Variants in PALS1 observed in about 807,000 individuals in gnomAD.
PALS1 encodes protein associated with LIN7 1, MAGUK p55 family member, also known as protein PALS1.
Under a neutral mutation model 78.9 loss-of-function variants are expected in PALS1, and 31 were observed. The observed-to-expected ratio is 0.39, with a 90% CI of 0.30 to 0.53. The LOEUF is 0.53. Ranked by LOEUF, PALS1 falls within the 20% of genes least tolerant of loss-of-function variation. PALS1 has a pLI of 0.67. For missense variants in PALS1, 704 were observed against 826.5 expected (o/e 0.85, Z 1.82); for synonymous variants, 276 against 270.9 (o/e 1.02, Z -0.18).
intron 1 of PALS1, among the ~76,000 whole-genome samples, chr14:67,266,067 A>G (rs1310701740): frequency 6.6e-6 from 1 of 152,098 alleles, no homozygotes; most frequent in African/African-American, 2.4e-5. Flanking sequence ...TCTGCTTCCC[A>G]AAGTGTTGGG....
intron 3 of PALS1, among the ~76,000 whole-genome samples, chr14:67,287,970 T>G (rs1242761805): frequency 6.6e-6 from 1 of 152,186 alleles, no homozygotes; most frequent in South Asian, 2.1e-4. Context: ...AGAGACCCAG[T>G]AGGGATACAA....
chr14:67,323,610 A>C, intron 13 of PALS1, 92 bp from the exon 14 acceptor site: 1 of 301,210 alleles, frequency 3.3e-6, no homozygotes, highest in Non-Finnish European at 5.8e-6. Flanking sequence ...CAAGTCCCTT[A>C]ATCTAATATA....
intron 4 of PALS1, among the ~76,000 whole-genome samples, chr14:67,293,704 G>A (rs752908241): frequency 3.2e-4 from 49 of 152,130 alleles, no homozygotes; most frequent in Non-Finnish European, 2.6e-4. Flanking sequence ...AGGAAAAGAC[G>A]AGTACCAATA....
Position 67,317,413 on chromosome 14 carries a change from C to T in PALS1, c.1303C>T (p.Leu435=). The change falls in exon 11 of 15, where the codon CTG becomes TTG. Residue 435 remains leucine, a synonymous_variant. Transcript: ENST00000261681. ...EDKEPEKSGK[L]WCAKKNKKKR... is the part of the protein sequence containing the mutation. The stretch of plus-strand genomic sequence containing the variant: ...TGTTTATGATTGCTCAACAGGAAAA[C>T]TGTGGTGTGCAAAGAAGAATAAAAA... 1 of 1,610,322 alleles carries T rather than the reference C, an allele frequency of 6.2e-7. No homozygotes were observed. The highest frequency in any genetic ancestry group is 1.1e-5 in the South Asian group (1 of 90,406).
chr14:67,314,649 A>G (rs1231176817), intron 9 of PALS1, among the ~76,000 whole-genome samples: 1 of 152,226 alleles, frequency 6.6e-6, no homozygotes, highest in Non-Finnish European at 1.5e-5. Context: ...TAGCCCATAA[A>G]TGTTTAGAAC....
rs910468028 is a variant in PALS1, at chr14:67,334,752, G to C, written c.*1796G>C. 2.6e-5 allele frequency: 4 copies of C among 152,118 alleles called. No homozygotes were observed. The highest frequency in any genetic ancestry group is 9.7e-5 in the African/African-American group (4 of 41,420). 9.4% of individuals were successfully genotyped at this position (152,118 alleles called of 1,614,324 possible). A position where few individuals can be genotyped will look rare whatever the true frequency, so the allele number is the denominator to read the frequency against. On this transcript the variant is annotated 3_prime_UTR_variant, in exon 15 of 15. Coordinates refer to ENST00000261681, the MANE Select transcript of PALS1 (RefSeq NM_022474.4). ...TCTGAAATACTCCAGTTTAGAGCCA[G>C]GAAATTTCACAGGTCACACCGATTT...
intron 8 of PALS1, among the ~76,000 whole-genome samples, chr14:67,310,931 C>T (rs2085079258): frequency 6.6e-6 from 1 of 152,130 alleles, no homozygotes; most frequent in African/African-American, 2.4e-5. Flanking sequence ...GTCTCAAGTG[C>T]TTAAAGAGCG....
At chr14:67,317,512 T>C (rs2085195373) in intron 11 of PALS1, 33 bp downstream of exon 11, 2 of 1,482,444 alleles carry the variant, frequency 1.3e-6, no homozygotes, top group East Asian at 2.3e-5. Flanking sequence ...GGTGGAATTA[T>C]ATCTGAAAGG....
Position 67,301,098 on chromosome 14 carries a change from T to C in PALS1, c.577-291T>C, listed in dbSNP as rs561617416. On this transcript the variant is annotated intron_variant, in intron 4 of 14. Transcript: ENST00000261681. ...TGTTAGGACAGTTTTTCTTTTCTTA[T>C]GTAATTATTATTAATGAATTTTATG... Among the ~76,000 whole-genome samples the C allele has an allele frequency of 6.6e-5, 10 of 152,250 alleles. No individual in the cohort carries two copies. In the South Asian group the frequency reaches 2.1e-3, roughly 32 times the overall value.
intron 1 of PALS1, among the ~76,000 whole-genome samples, chr14:67,249,003 C>T (rs983728854): frequency 1.3e-5 from 2 of 151,400 alleles, no homozygotes; most frequent in South Asian, 2.1e-4. Flanking sequence ...CACTCTGTCC[C>T]CCAGGCTGGA....
At chr14:67,301,119 T>C (rs2084927430) in intron 4 of PALS1, among the ~76,000 whole-genome samples, 1 of 152,258 alleles carries the variant, frequency 6.6e-6, no homozygotes, top group Middle Eastern at 3.4e-3. Context: ...TTAATGAATT[T>C]TATGGTATGT....
intron 3 of PALS1, among the ~76,000 whole-genome samples, chr14:67,286,855 CAAAAA>C (rs201923149): frequency 1.5e-5 from 1 of 67,226 alleles, no homozygotes. Flanking sequence ...GACCTGGTCT[CAAAAA>C]AAAAAAAAAA....
intron 1 of PALS1, among the ~76,000 whole-genome samples, chr14:67,263,818 T>A (rs1334670364): frequency 6.7e-6 from 1 of 149,862 alleles, no homozygotes; most frequent in Non-Finnish European, 1.5e-5. Context: ...TACTGTGACC[T>A]CCTCCATCAC....
rs562513539 is a variant in PALS1 at position 67,334,160 on chromosome 14, A to AATATATAGAAAT, written c.*1206_*1217dup. 1.5e-3 allele frequency: 228 copies of AATATATAGAAAT among 152,740 alleles called. 1 individual carries two copies. Among genetic ancestry groups the AATATATAGAAAT allele is most frequent in the African/African-American group, 5.4e-3 (226 of 41,568 alleles). 9.5% of individuals were successfully genotyped at this position (152,740 alleles called of 1,614,324 possible). A position where few individuals can be genotyped will look rare whatever the true frequency, so the allele number is the denominator to read the frequency against. ...GAATATTGGAGAGAAAAAGGTATTAAATATATAGAAATAGGTTTTTAACCT... is the reference window on the plus strand; with the variant it reads ...GAATATTGGAGAGAAAAAGGTATTAAATATATAGAAATATATATAGAAATAGGTTTTTAACCT... On this transcript the variant is annotated 3_prime_UTR_variant, in exon 15 of 15. Coordinates refer to ENST00000261681, the MANE Select transcript of PALS1 (RefSeq NM_022474.4).
At chr14:67,252,539 T>C (rs924507948) in intron 1 of PALS1, among the ~76,000 whole-genome samples, 5 of 152,158 alleles carry the variant, frequency 3.3e-5, no homozygotes, top group East Asian at 1.9e-4. Context: ...GGCCCAAAAC[T>C]TGTGGCTGGC....
intron 14 of PALS1, among the ~76,000 whole-genome samples, chr14:67,329,883 T>TA (rs1173554712): frequency 6.8e-6 from 1 of 146,314 alleles, no homozygotes; most frequent in African/African-American, 2.6e-5. Flanking sequence ...AATAAATAGA[T>TA]ATAGAAACTA....
intron 3 of PALS1, among the ~76,000 whole-genome samples, chr14:67,287,548 T>A (rs776851993): frequency 2.6e-5 from 4 of 152,226 alleles, no homozygotes; most frequent in Non-Finnish European, 5.9e-5. Flanking sequence ...AAAAGATTGA[T>A]AATTCTTAAA....
At position 67,311,310 on chromosome 14, in the gene PALS1, CAAA is replaced by C. The variant is rs1164347381; in HGVS notation, c.1042-1199_1042-1197del. On this transcript the variant is annotated intron_variant, in intron 8 of 14. Transcript: ENST00000261681. ...TGGGCAACAGAGCGAGACTCCGTCT[CAAA>C]AAAAAAAAAAAAAAAAAGCCAAAGC... Among the ~76,000 whole-genome samples, 7 of 63,946 alleles carry C rather than the reference CAAA, an allele frequency of 1.1e-4. 1 individual carries two copies. The South Asian group carries it at 1.9e-3, about 17-fold the overall frequency. 42.0% of individuals were successfully genotyped at this position (63,946 alleles called of 152,430 possible). A position where few individuals can be genotyped will look rare whatever the true frequency, so the allele number is the denominator to read the frequency against.
intron 3 of PALS1, among the ~76,000 whole-genome samples, chr14:67,290,363 A>C (rs2084754444): frequency 6.6e-6 from 1 of 152,132 alleles, no homozygotes; most frequent in Non-Finnish European, 1.5e-5. Flanking sequence ...ATAAAGACAG[A>C]CTCTGATATG....
Sources: allele counts gnomAD v4.1 joint callset (sites outside exome capture counted in the v4.1 genomes callset), GRCh38; gene constraint gnomAD v4.1.1; transcripts MANE v1.5; gene names NCBI Gene and HGNC (gene_info 2026-07-23, HGNC 2026-07-21).